SLC71A2: variants seen among roughly 807,000 people sequenced by gnomAD.
The protein encoded by SLC71A2 is hippocampus abundant transcript-like 1.
At chr9:94,441,037 G>A in the SLC71A2 span, 2 of 1,611,502 alleles carry the variant, frequency 1.2e-6, no homozygotes, top group African/African-American at 1.3e-5. Context: ...CACGTTTTCT[G>A]TTATATTTGC....
At chr9:94,418,103 C>T in the SLC71A2 span, among the ~76,000 whole-genome samples, 3 of 152,018 alleles carry the variant, frequency 2.0e-5, no homozygotes, top group Admixed American at 6.6e-5. Flanking sequence ...CCTCCTGATC[C>T]GCCCGCCTCG....
chr9:94,456,291 G>A, the SLC71A2 span: 77 of 1,614,084 alleles, frequency 4.8e-5, no homozygotes, highest in East Asian at 2.2e-4. Context: ...TCACGTTTCC[G>A]GCAATCAGTG....
At chr9:94,440,396 G>A in the SLC71A2 span, among the ~76,000 whole-genome samples, 540 of 151,798 alleles carry the variant, frequency 3.6e-3, 2 homozygotes, top group Non-Finnish European at 6.6e-3. Context: ...CTCGTGATCC[G>A]CCCACCTTTT....
chr9:94,421,706 T>C, the SLC71A2 span, among the ~76,000 whole-genome samples: 1 of 152,204 alleles, frequency 6.6e-6, no homozygotes, highest in Non-Finnish European at 1.5e-5. Flanking sequence ...TTTTGTGTGA[T>C]TGAATCTTTG....
At chr9:94,388,032 T>G in the SLC71A2 span, among the ~76,000 whole-genome samples, 8 of 152,360 alleles carry the variant, frequency 5.3e-5, no homozygotes, top group Non-Finnish European at 7.3e-5. Flanking sequence ...ACTTAAGTAA[T>G]TAATGAAAGT....
chr9:94,382,738 C>T, the SLC71A2 span, among the ~76,000 whole-genome samples: 1 of 152,076 alleles, frequency 6.6e-6, no homozygotes, highest in South Asian at 2.1e-4. Context: ...CTGCCCACTG[C>T]AATCTCCAGC....
At chr9:94,445,909 G>T in the SLC71A2 span, among the ~76,000 whole-genome samples, 1 of 152,172 alleles carries the variant, frequency 6.6e-6, no homozygotes, top group Admixed American at 6.5e-5. Flanking sequence ...ATGACCTAGG[G>T]ATCCTGCCTG....
chr9:94,397,180 G>A, the SLC71A2 span, among the ~76,000 whole-genome samples: 1 of 152,062 alleles, frequency 6.6e-6, no homozygotes, highest in African/African-American at 2.4e-5. Flanking sequence ...TTATAGAATA[G>A]TTTTATATCC....
the SLC71A2 span, among the ~76,000 whole-genome samples, chr9:94,413,507 T>C: frequency 1.3e-5 from 2 of 152,030 alleles, no homozygotes; most frequent in Non-Finnish European, 2.9e-5. Context: ...GTTAAAATTA[T>C]GGCACATTCA....
chr9:94,448,611 G>C, the SLC71A2 span, among the ~76,000 whole-genome samples: 1 of 152,156 alleles, frequency 6.6e-6, no homozygotes. Context: ...AATATTTTAC[G>C]TGGTGGCATA....
chr9:94,384,695 A>C, the SLC71A2 span, among the ~76,000 whole-genome samples: 1 of 152,076 alleles, frequency 6.6e-6, no homozygotes, highest in Non-Finnish European at 1.5e-5. Context: ...TTGAGTTGTA[A>C]AATTCTTTAT....
At chr9:94,381,737 G>A in the SLC71A2 span, among the ~76,000 whole-genome samples, 2 of 152,326 alleles carry the variant, frequency 1.3e-5, no homozygotes, top group South Asian at 2.1e-4. Flanking sequence ...TTGGGAGGCC[G>A]AGGCAGGAGG....
the SLC71A2 span, among the ~76,000 whole-genome samples, chr9:94,427,662 G>A: frequency 0.027 from 3,713 of 137,406 alleles, 72 homozygotes; most frequent in South Asian, 0.04. Flanking sequence ...CCCTGGAGGT[G>A]TTGGTGCAGT....
the SLC71A2 span, chr9:94,432,684 CTGTAGTA>C: frequency 3.6e-6 from 1 of 281,550 alleles, no homozygotes; most frequent in Non-Finnish European, 7.3e-6. Flanking sequence ...TGAAGGAAGG[CTGTAGTA>C]CTTTCCAGGA....
the SLC71A2 span, among the ~76,000 whole-genome samples, chr9:94,428,807 T>A: frequency 4.3e-4 from 66 of 151,976 alleles, no homozygotes; most frequent in Admixed American, 9.2e-4. Context: ...AAAAATCCCC[T>A]GTGCTCTGCC....
the SLC71A2 span, among the ~76,000 whole-genome samples, chr9:94,384,190 C>T: frequency 5.3e-5 from 8 of 152,156 alleles, no homozygotes; most frequent in Non-Finnish European, 1.2e-4. Context: ...CCACCATTCT[C>T]CTTTGTTTCT....
chr9:94,391,436 C>T, the SLC71A2 span, among the ~76,000 whole-genome samples: 1 of 150,324 alleles, frequency 6.7e-6, no homozygotes, highest in Non-Finnish European at 1.5e-5. Context: ...GAGCTAGAAG[C>T]AGATTGAATT....
chr9:94,423,558 G>A, the SLC71A2 span, among the ~76,000 whole-genome samples: 1 of 152,102 alleles, frequency 6.6e-6, no homozygotes, highest in African/African-American at 2.4e-5. Flanking sequence ...CCCTGGTCTA[G>A]TATATTTTTT....
chr9:94,450,209 C>A, the SLC71A2 span, among the ~76,000 whole-genome samples: 26 of 152,146 alleles, frequency 1.7e-4, no homozygotes, highest in African/African-American at 5.6e-4. Context: ...TATTTAAATT[C>A]TATCTTAATA....
Sources: gnomAD v4.1 joint callset for allele counts (sites outside exome capture counted in the v4.1 genomes callset) on GRCh38, gnomAD v4.1.1 for gene constraint, MANE v1.5 for transcripts, NCBI Gene and HGNC (gene_info 2026-07-23, HGNC 2026-07-21) for gene names.